Variants in PLCB4 observed in about 807,000 individuals in gnomAD.
PLCB4 encodes 1-phosphatidylinositol 4,5-bisphosphate phosphodiesterase beta-4.
In PLCB4, 77 loss-of-function variants were observed where a neutral mutation model predicts 178.8. That is an observed-to-expected ratio of 0.43 (90% CI 0.36 to 0.52). The LOEUF (loss-of-function observed/expected upper bound fraction) is 0.52, where lower values mean the gene tolerates loss of function less well. Ranked by LOEUF, PLCB4 falls within the 20% of genes least tolerant of loss-of-function variation. The pLI, the probability that PLCB4 is intolerant of heterozygous loss-of-function variation, is 0.00. For synonymous variants in PLCB4, 496 were observed against 490.8 expected, an observed-to-expected ratio of 1.01 and a Z score of -0.14; for missense variants, 1,024 against 1,453.4, an observed-to-expected ratio of 0.70 and a Z score of 4.80.
chr20:9,169,023 C>T (rs2093020232), intron 2 of PLCB4, among the ~76,000 whole-genome samples: 1 of 142,526 alleles, frequency 7.0e-6, no homozygotes, highest in Admixed American at 6.9e-5. Flanking sequence ...TCATCCTCTT[C>T]TCCTGTCTGC....
chr20:9,254,731 A>G (rs564519836), intron 3 of PLCB4, among the ~76,000 whole-genome samples: 3 of 152,272 alleles, frequency 2.0e-5, no homozygotes, highest in East Asian at 1.9e-4. Context: ...GTCTTATCAC[A>G]TTTACATAAT....
intron 39 of PLCB4, 92 bp downstream of exon 39, chr20:9,476,845 G>A: frequency 1.2e-6 from 1 of 817,522 alleles, no homozygotes; most frequent in South Asian, 1.5e-5. Flanking sequence ...GTCACATCTG[G>A]TCATAACTAA....
intron 3 of PLCB4, among the ~76,000 whole-genome samples, chr20:9,293,486 C>T (rs373986572): frequency 2.0e-4 from 23 of 115,510 alleles, no homozygotes; most frequent in African/African-American, 7.1e-4. Flanking sequence ...AGAAAGAGGA[C>T]GAGAGGAAGG....
chr20:9,078,368 C>CTT lies in PLCB4; in HGVS notation c.-135+9163_-135+9164dup, dbSNP rs1453090667. Among the ~76,000 whole-genome samples the CTT allele has an allele frequency of 5.6e-5, 8 of 142,256 alleles. No homozygotes were observed. In the East Asian group the frequency reaches 1.2e-3, roughly 22 times the overall value. 93.3% of individuals were successfully genotyped at this position (142,256 alleles called of 152,430 possible). On this transcript the variant is annotated intron_variant, in intron 1 of 39. Transcript: ENST00000378473. Reference sequence around the variant, plus strand: ...CTTTTCTTTTCTTCTCTTTTCTTTTCTTCTTCTCTTCTTTTCTTTCTTTTC... The same window carrying CTT: ...CTTTTCTTTTCTTCTCTTTTCTTTTCTTTTCTTCTCTTCTTTTCTTTCTTTTC...
At chr20:9,276,182 C>A (rs1357038820) in intron 3 of PLCB4, among the ~76,000 whole-genome samples, 1 of 152,062 alleles carries the variant, frequency 6.6e-6, no homozygotes, top group South Asian at 2.1e-4. Flanking sequence ...GTTGATGCAA[C>A]TGCCACATGT....
rs367860383 is a variant in PLCB4, at chr20:9,124,364, T to C, written c.-79+28022T>C. Reference sequence around the variant, plus strand: ...AAAATTACCCAGGTGTGGTAGCACATGCCTGTAGTCCCAGCTAATTGGGAG... The same window carrying C: ...AAAATTACCCAGGTGTGGTAGCACACGCCTGTAGTCCCAGCTAATTGGGAG... On this transcript the variant is annotated intron_variant, in intron 2 of 39. Coordinates refer to ENST00000378473, the MANE Select transcript of PLCB4 (RefSeq NM_001377142.1). 1.2e-4 allele frequency among the ~76,000 whole-genome samples: 19 copies of C among 152,200 alleles called. No homozygotes were observed. The East Asian group carries it at 1.7e-3, about 14-fold the overall frequency.
intron 2 of PLCB4, among the ~76,000 whole-genome samples, chr20:9,140,281 G>A (rs779758087): frequency 3.9e-5 from 6 of 151,930 alleles, no homozygotes; most frequent in Non-Finnish European, 7.4e-5. Flanking sequence ...TCCCCTGTCC[G>A]TCTCCTTTTC....
intron 1 of PLCB4, among the ~76,000 whole-genome samples, chr20:9,080,981 C>T (rs79925711): frequency 1.7e-4 from 26 of 152,270 alleles, no homozygotes; most frequent in Non-Finnish European, 2.5e-4. Flanking sequence ...TTCCTATTGC[C>T]GCTAGCCTGA....
chr20:9,193,018 T>G (rs556165942), intron 2 of PLCB4, among the ~76,000 whole-genome samples: 7 of 152,208 alleles, frequency 4.6e-5, no homozygotes, highest in African/African-American at 7.2e-5. Context: ...TCAGGCAAGA[T>G]GCAAAATGCT....
chr20:9,401,593 C>CAAATAGCTTTGCAAATAGCAA lies in PLCB4; in HGVS notation c.1611+4_1611+5insAATAGCTTTGCAAATAGCAAA, dbSNP rs767823360. ...CTGTTGCAAATAGCGTCAAGAAGGT[C>CAAATAGCTTTGCAAATAGCAA]AGAGTCCCCTTTCTTTCATCACTCT... On this transcript the variant is annotated splice_donor_region_variant and intron_variant, in intron 20 of 39. Transcript: ENST00000378473. 1 of 1,590,926 alleles carries CAAATAGCTTTGCAAATAGCAA rather than the reference C, an allele frequency of 6.3e-7. No individual in the cohort carries two copies. Among genetic ancestry groups the CAAATAGCTTTGCAAATAGCAA allele is most frequent in the East Asian group, 2.2e-5 (1 of 44,754 alleles).
Position 9,421,428 on chromosome 20 carries a change from A to G in PLCB4, c.2286A>G (p.Pro762=). Residue 762 remains proline (P), a synonymous_variant, in exon 27 of 40, where the codon CCA becomes CCG. Transcript: ENST00000378473. ...TGGTTATGAATAATGGACTCAATCC[A>G]GTTTACAATGAAGAGTCATTTGTAT... The part of the protein sequence containing the change: ...TRMVMNNGLN[P]VYNEESFVFR... 4.3e-6 allele frequency: 7 copies of G among 1,613,880 alleles called. No homozygotes were observed. Among genetic ancestry groups the G allele is most frequent in the Non-Finnish European group, 5.9e-6 (7 of 1,179,870 alleles).
chr20:9,104,728 CTCTCTTCCCAGAATATTATCCCTTTAA>C (rs1356677624), intron 2 of PLCB4, among the ~76,000 whole-genome samples: 1 of 151,858 alleles, frequency 6.6e-6, no homozygotes, highest in African/African-American at 2.4e-5. Flanking sequence ...TACTTTTTTT[CTCTCTTCCCAGAATATTATCCCTTTAA>C]TCTCTTCACA....
At chr20:9,364,724 C>G (rs1480220715) in intron 8 of PLCB4, among the ~76,000 whole-genome samples, 1 of 152,214 alleles carries the variant, frequency 6.6e-6, no homozygotes, top group Non-Finnish European at 1.5e-5. Context: ...TTTACTAAAT[C>G]ATCATGTTCT....
At chr20:9,247,726 G>A (rs1419155064) in intron 3 of PLCB4, among the ~76,000 whole-genome samples, 2 of 152,120 alleles carry the variant, frequency 1.3e-5, no homozygotes, top group African/African-American at 4.8e-5. Flanking sequence ...GCAGAATAGA[G>A]CAATTATGTA....
At chr20:9,273,930 C>G (rs1368488826) in intron 3 of PLCB4, among the ~76,000 whole-genome samples, 3 of 151,966 alleles carry the variant, frequency 2.0e-5, no homozygotes, top group Admixed American at 1.3e-4. Flanking sequence ...AGACTGCTGG[C>G]AGGATATTAA....
Position 9,159,389 on chromosome 20 carries a change from G to A in PLCB4, c.-78-58001G>A, listed in dbSNP as rs538346505. Among the ~76,000 whole-genome samples, 5 of 152,180 alleles carry A rather than the reference G, an allele frequency of 3.3e-5. No individual in the cohort carries two copies. In the South Asian group the frequency reaches 1.0e-3, roughly 32 times the overall value. The stretch of plus-strand genomic sequence containing the variant: ...GTGTATGATATGCATGATTAACATA[G>A]GATTATTATATATTGATTATAGTGC... On this transcript the variant is annotated intron_variant, in intron 2 of 39. Transcript: ENST00000378473.
At chr20:9,473,228 A>C in intron 37 of PLCB4, 51 bp from the exon 38 acceptor site, 2 of 1,187,976 alleles carry the variant, frequency 1.7e-6, no homozygotes, top group Non-Finnish European at 2.4e-6. Flanking sequence ...CCCTGTTTTA[A>C]GATTGTAACC....
At chr20:9,135,481 T>A (rs1204728097) in intron 2 of PLCB4, among the ~76,000 whole-genome samples, 2 of 152,076 alleles carry the variant, frequency 1.3e-5, no homozygotes, top group Non-Finnish European at 2.9e-5. Flanking sequence ...CATATGAAGT[T>A]ACAGCAGAGC....
At chr20:9,216,418 C>T (rs2093733024) in intron 2 of PLCB4, among the ~76,000 whole-genome samples, 3 of 152,080 alleles carry the variant, frequency 2.0e-5, no homozygotes, top group Admixed American at 2.0e-4. Context: ...GGGGTTTCAC[C>T]ATGTTAGCCA....
Sources: allele counts gnomAD v4.1 joint callset (sites outside exome capture counted in the v4.1 genomes callset), GRCh38; gene constraint gnomAD v4.1.1; transcripts MANE v1.5; gene names NCBI Gene and HGNC (gene_info 2026-07-23, HGNC 2026-07-21).